LRIG1: variants seen among roughly 807,000 people sequenced by gnomAD.
The protein encoded by LRIG1 is leucine rich repeats and immunoglobulin like domains 1, also known as leucine-rich repeats and immunoglobulin-like domains protein 1.
In LRIG1, 48 loss-of-function variants were observed where a neutral mutation model predicts 99.2. The ratio of observed to expected loss-of-function variants is 0.48; its 90% CI spans 0.38 to 0.62. The LOEUF (loss-of-function observed/expected upper bound fraction) is 0.62, where lower values mean the gene tolerates loss of function less well. Among genes scored for constraint, LRIG1 ranks in the 20% least tolerant of loss-of-function variants. The pLI, the probability that LRIG1 is intolerant of heterozygous loss-of-function variation, is 0.00. For synonymous variants in LRIG1, 772 were observed against 596.1 expected, an observed-to-expected ratio of 1.29 and a Z score of -4.30; for missense variants, 1,646 against 1,434.4, an observed-to-expected ratio of 1.15 and a Z score of -2.38.
chr3:66,459,797 C>T (rs1700315290), intron 2 of LRIG1, among the ~76,000 whole-genome samples: 1 of 152,048 alleles, frequency 6.6e-6, no homozygotes, highest in Admixed American at 6.5e-5. Flanking sequence ...TATATTAATG[C>T]AATATTTTTT....
intron 1 of LRIG1, among the ~76,000 whole-genome samples, chr3:66,465,792 A>C (rs546936974): frequency 6.6e-6 from 1 of 152,304 alleles, no homozygotes; most frequent in East Asian, 1.9e-4. Flanking sequence ...ACCACCGTCC[A>C]TCTCCAGAAC....
intron 1 of LRIG1, among the ~76,000 whole-genome samples, chr3:66,475,481 G>T (rs1304701330): frequency 6.6e-6 from 1 of 152,118 alleles, no homozygotes; most frequent in Non-Finnish European, 1.5e-5. Context: ...TCCCCAAACT[G>T]GCTTTCCTTT....
Position 66,394,078 on chromosome 3 carries a change from T to A in LRIG1, c.1430A>T (p.Gln477Leu), listed in dbSNP as rs1701734908. The A allele has an allele frequency of 5.0e-6, 8 of 1,614,052 alleles. No homozygotes were observed. In the South Asian group the frequency reaches 6.6e-5, roughly 13 times the overall value. ...CTCTGGTGGCACAGAGAAAATGCTCTGACCCTTCAGTGATTCTGGGTGGGC... is the reference window on the plus strand; with the variant it reads ...CTCTGGTGGCACAGAGAAAATGCTCAGACCCTTCAGTGATTCTGGGTGGGC... ...TCAHPESLKG[Q>L]SIFSVPPESF... The change falls in exon 12 of 19, where the codon CAG becomes CTG. Residue 477 changes from glutamine to leucine, a missense_variant. Gln to Leu is a moderately radical substitution (Grantham distance 113). Coordinates refer to ENST00000273261, the MANE Select transcript of LRIG1 (RefSeq NM_015541.3).
At chr3:66,497,704 CAAAAA>C (rs71616223) in intron 1 of LRIG1, among the ~76,000 whole-genome samples, 4 of 89,266 alleles carry the variant, frequency 4.5e-5, no homozygotes, top group Non-Finnish European at 5.9e-5. Context: ...GCACTGTTTA[CAAAAA>C]AAAAAAAAAA....
In LRIG1 at chr3:66,379,503, A is replaced by C. The variant is rs1037551513; in HGVS notation, c.*760T>G. 37 of 152,202 alleles carry C rather than the reference A, an allele frequency of 2.4e-4. No individual in the cohort carries two copies. The highest frequency in any genetic ancestry group is 8.9e-4 in the African/African-American group (37 of 41,432). 9.4% of individuals were successfully genotyped at this position (152,202 alleles called of 1,614,324 possible). A position where few individuals can be genotyped will look rare whatever the true frequency, so the allele number is the denominator to read the frequency against. ...CCACATTTGCTTTTATCATAAAATA[A>C]GAGGAGGAGGAAAGGCAGTGTTTAA... is the stretch of plus-strand genomic sequence containing the variant. On this transcript the variant is annotated 3_prime_UTR_variant, in exon 19 of 19. Transcript: ENST00000273261.
In LRIG1 at chr3:66,405,214, C is replaced by T. The variant is rs923715319; in HGVS notation, c.1144G>A (p.Asp382Asn). The part of the protein sequence containing the change: ...EDTSGAFSGL[D>N]SLSKLTLFGN... Reference sequence around the variant, plus strand: ...GATACTCACAGCTTGCTGAGGCTGTCGAGCCCTGAGAAGGCGCCGCTCGTG... The same window carrying T: ...GATACTCACAGCTTGCTGAGGCTGTTGAGCCCTGAGAAGGCGCCGCTCGTG... The change falls in exon 9 of 19, where the codon GAC (aspartate) becomes AAC (asparagine). Residue 382 changes from aspartate (D) to asparagine (N), a missense_variant. Transcript: ENST00000273261. 9.3e-6 allele frequency: 15 copies of T among 1,614,010 alleles called. No individual in the cohort carries two copies. The highest frequency in any genetic ancestry group is 1.3e-5 in the African/African-American group (1 of 74,950).
intron 11 of LRIG1, among the ~76,000 whole-genome samples, chr3:66,396,680 G>A (rs1701864040): frequency 6.6e-6 from 1 of 152,112 alleles, no homozygotes; most frequent in Non-Finnish European, 1.5e-5. Flanking sequence ...AACTTCCCAA[G>A]GAAAATCTTA....
chr3:66,492,578 G>A (rs916624137), intron 1 of LRIG1, among the ~76,000 whole-genome samples: 2 of 152,092 alleles, frequency 1.3e-5, no homozygotes, highest in Admixed American at 1.3e-4. Flanking sequence ...TAAAAGATAA[G>A]AGATTAGAAC....
chr3:66,436,046 G>C (rs1041016677), intron 3 of LRIG1, among the ~76,000 whole-genome samples: 1 of 152,158 alleles, frequency 6.6e-6, no homozygotes, highest in African/African-American at 2.4e-5. Flanking sequence ...GGATATGCAT[G>C]AACTGTTTAA....
At chr3:66,493,706 G>A (rs990062122) in intron 1 of LRIG1, among the ~76,000 whole-genome samples, 1 of 152,134 alleles carries the variant, frequency 6.6e-6, no homozygotes, top group African/African-American at 2.4e-5. Context: ...TGAGATGGGA[G>A]GACTGCTTGA....
In LRIG1 at chr3:66,498,933, T is replaced by G. The variant is rs72906796; in HGVS notation, c.218+1257A>C. Among the ~76,000 whole-genome samples, 1,259 of 152,342 alleles carry G rather than the reference T, an allele frequency of 8.3e-3. 20 individuals carry two copies. The highest frequency in any genetic ancestry group is 0.028 in the African/African-American group (1,162 of 41,576). On this transcript the variant is annotated intron_variant, in intron 1 of 18. Coordinates refer to ENST00000273261, the MANE Select transcript of LRIG1 (RefSeq NM_015541.3). ...AGAACACAGGCCACATTTTCTTCGA[T>G]CAAGCCACAGGTGCTGGTTACAACT...
Position 66,394,311 on chromosome 3 carries a change from C to G in LRIG1, c.1305-108G>C, listed in dbSNP as rs1200997206. On this transcript the variant is annotated intron_variant, in intron 11 of 18. Transcript: ENST00000273261. ...TCCAATCAGCTTCTCAAGTGAACAT[C>G]AGCAAGCTGGAAGGGGGAAATGGTT... The G allele has an allele frequency of 4.3e-6, 4 of 931,576 alleles. No homozygotes were observed. In the East Asian group the frequency reaches 1.1e-4, roughly 26 times the overall value. The allele number at this position is 931,576 out of a possible 1,614,324, so 57.7% of individuals were successfully genotyped here.
intron 6 of LRIG1, among the ~76,000 whole-genome samples, chr3:66,410,653 T>G (rs1438374611): frequency 1.3e-5 from 2 of 152,020 alleles, no homozygotes; most frequent in Non-Finnish European, 2.9e-5. Flanking sequence ...GCAAGGGCAA[T>G]ATAGCGAAAC....
intron 3 of LRIG1, among the ~76,000 whole-genome samples, chr3:66,419,492 G>C (rs1702734391): frequency 6.6e-6 from 1 of 152,200 alleles, no homozygotes; most frequent in Admixed American, 6.5e-5. Context: ...GGGTCTGTGA[G>C]AGGAGCAAGG....
chr3:66,392,849 AC>A (rs1332740545), intron 12 of LRIG1, among the ~76,000 whole-genome samples: 1 of 152,236 alleles, frequency 6.6e-6, no homozygotes, highest in Non-Finnish European at 1.5e-5. Context: ...GGGCCAATGA[AC>A]AATGGATTAT....
intron 12 of LRIG1, chr3:66,388,192 G>A (rs992841843): frequency 3.5e-5 from 5 of 144,670 alleles, no homozygotes; most frequent in African/African-American, 1.0e-4. Flanking sequence ...GAACCAAGTA[G>A]AAATTTTGAA....
intron 2 of LRIG1, among the ~76,000 whole-genome samples, chr3:66,455,823 G>A (rs533878887): frequency 1.3e-5 from 2 of 152,226 alleles, no homozygotes; most frequent in Admixed American, 1.3e-4. Flanking sequence ...TATGATACGT[G>A]GTTTCTACAC....
At chr3:66,422,132 G>C (rs112554004) in intron 3 of LRIG1, among the ~76,000 whole-genome samples, 293 of 152,338 alleles carry the variant, frequency 1.9e-3, no homozygotes, top group African/African-American at 6.4e-3. Flanking sequence ...CCAGGCCTGT[G>C]ATGGGAGGGG....
chr3:66,435,324 C>T (rs1255073475), intron 3 of LRIG1, among the ~76,000 whole-genome samples: 2 of 151,968 alleles, frequency 1.3e-5, no homozygotes, highest in African/African-American at 4.8e-5. Context: ...TTTGGGAGGC[C>T]GAGGCAGGCA....
Sources: gnomAD v4.1 joint callset for allele counts (sites outside exome capture counted in the v4.1 genomes callset) on GRCh38, gnomAD v4.1.1 for gene constraint, MANE v1.5 for transcripts, NCBI Gene and HGNC (gene_info 2026-07-23, HGNC 2026-07-21) for gene names.